The following ITGA4 variants were observed in gnomAD, a reference collection of about 807,000 sequenced individuals.
The protein encoded by ITGA4 is integrin subunit alpha 4, also known as integrin alpha-4.
Under a neutral mutation model 133.6 loss-of-function variants are expected in ITGA4, and 63 were observed. The observed-to-expected ratio is 0.47, with a 90% CI of 0.38 to 0.58. The LOEUF is 0.58. Ranked by LOEUF, ITGA4 falls within the 20% of genes least tolerant of loss-of-function variation. The pLI is 0.00. For missense variants in ITGA4, 1,076 were observed against 1,252.7 expected, an observed-to-expected ratio of 0.86 and a Z score of 2.13; for synonymous variants, 483 against 438.0, an observed-to-expected ratio of 1.10 and a Z score of -1.28.
At chr2:181,479,104 G>A (rs998674878) in intron 5 of ITGA4, 4 of 232,848 alleles carry the variant, frequency 1.7e-5, no homozygotes, top group Non-Finnish European at 3.3e-5. Flanking sequence ...AAGTAGCTAT[G>A]GTTAATTGTC....
Position 181,538,046 on chromosome 2 carries a change from A to ACCATTCCCC in ITGA4, c.*2521_*2529dup, listed in dbSNP as rs776939025. ...CTGAGGTGGAACAGTTCATCCTGAA[A>ACCATTCCCC]CCATTCCCCCATCCACGGAAAAATT... On this transcript the variant is annotated 3_prime_UTR_variant, in exon 28 of 28. Transcript: ENST00000397033. The ACCATTCCCC allele has an allele frequency of 4.4e-5, 31 of 703,400 alleles. No individual in the cohort carries two copies. In the African/African-American group the frequency reaches 4.9e-4, roughly 11 times the overall value. 43.6% of individuals were successfully genotyped at this position (703,400 alleles called of 1,614,324 possible). A position where few individuals can be genotyped will look rare whatever the true frequency, so the allele number is the denominator to read the frequency against.
chr2:181,496,085 C>A, intron 14 of ITGA4, 148 bp downstream of exon 14: 1 of 750,606 alleles, frequency 1.3e-6, no homozygotes, highest in South Asian at 1.8e-5. Flanking sequence ...TTTTCCTCTC[C>A]ATCTTCCAGA....
At chr2:181,466,295 A>AT (rs967193326) in intron 2 of ITGA4, among the ~76,000 whole-genome samples, 1 of 151,604 alleles carries the variant, frequency 6.6e-6, no homozygotes, top group Non-Finnish European at 1.5e-5. Context: ...ATAGAATAAG[A>AT]TAAAAAAAAA....
chr2:181,538,085 CTGGTCCCAAAA>C lies in ITGA4; in HGVS notation c.*2559_*2569del. 1.3e-6 allele frequency: 1 copy of C among 790,414 alleles called. No individual in the cohort carries two copies. The highest frequency in any genetic ancestry group is 3.6e-4 in the Middle Eastern group (1 of 2,790). The allele number at this position is 790,414 out of a possible 1,614,324, so 49.0% of individuals were successfully genotyped here. A position where few individuals can be genotyped will look rare whatever the true frequency, so the allele number is the denominator to read the frequency against. On this transcript the variant is annotated 3_prime_UTR_variant, in exon 28 of 28. Transcript: ENST00000397033. ...CACGGAAAAATTGTCTTCCATGAAA[CTGGTCCCAAAA>C]AGGGTGGGGACCACAGGTTTAAAGC...
chr2:181,475,791 A>AT (rs1412586026), intron 4 of ITGA4: 4 of 1,583,670 alleles, frequency 2.5e-6, no homozygotes, highest in Non-Finnish European at 3.4e-6. Context: ...AGTTTGAAAC[A>AT]TTTTTCTCAT....
intron 2 of ITGA4, among the ~76,000 whole-genome samples, chr2:181,465,428 T>C (rs1685388102): frequency 6.6e-6 from 1 of 152,112 alleles, no homozygotes; most frequent in Non-Finnish European, 1.5e-5. Context: ...TTTCTTTTTC[T>C]TTTTCAACCA....
At chr2:181,468,432 C>T (rs1191181479) in intron 2 of ITGA4, among the ~76,000 whole-genome samples, 1 of 152,128 alleles carries the variant, frequency 6.6e-6, no homozygotes, top group Non-Finnish European at 1.5e-5. Context: ...AAAATTCCCT[C>T]CCTCATACAT....
intron 17 of ITGA4, among the ~76,000 whole-genome samples, chr2:181,519,919 G>A (rs1270213576): frequency 6.6e-6 from 1 of 151,910 alleles, no homozygotes; most frequent in African/African-American, 2.4e-5. Flanking sequence ...GGACACCACC[G>A]AACCCTTCTT....
Position 181,475,197 on chromosome 2 carries a change from G to A in ITGA4, c.465G>A (p.Lys155=), listed in dbSNP as rs761009890. Residue 155 remains lysine (K), a synonymous_variant, in exon 4 of 28, where the codon AAG becomes AAA. Coordinates refer to ENST00000397033, the MANE Select transcript of ITGA4 (RefSeq NM_000885.6). ...GATGGAAAAATATATTTTACATAAA[G>A]AATGAAAATAAGCTCCCCACTGGTG... ...GHRWKNIFYI[K]NENKLPTGGC... 3.1e-6 allele frequency: 5 copies of A among 1,612,918 alleles called. No homozygotes were observed. The highest frequency in any genetic ancestry group is 4.2e-6 in the Non-Finnish European group (5 of 1,178,948).
chr2:181,535,884 A>C lies in ITGA4; in HGVS notation c.*357A>C. Reference sequence around the variant, plus strand: ...TTAGACTTGAAATACTACTTACCATATGTGCTTGCCTCAGTAAAATGAACC... The same window carrying C: ...TTAGACTTGAAATACTACTTACCATCTGTGCTTGCCTCAGTAAAATGAACC... On this transcript the variant is annotated 3_prime_UTR_variant, in exon 28 of 28. Coordinates refer to ENST00000397033, the MANE Select transcript of ITGA4 (RefSeq NM_000885.6). 6.3e-6 allele frequency: 1 copy of C among 158,122 alleles called. No individual in the cohort carries two copies. Among genetic ancestry groups the C allele is most frequent in the Admixed American group, 6.3e-5 (1 of 15,766 alleles). 9.8% of individuals were successfully genotyped at this position (158,122 alleles called of 1,614,324 possible). A position where few individuals can be genotyped will look rare whatever the true frequency, so the allele number is the denominator to read the frequency against.
chr2:181,482,388 A>T lies in ITGA4; in HGVS notation c.869A>T (p.Glu290Val). 1.2e-6 allele frequency: 2 copies of T among 1,612,920 alleles called. No individual in the cohort carries two copies. The highest frequency in any genetic ancestry group is 1.7e-6 in the Non-Finnish European group (2 of 1,179,334). ...TATATATTCAGCATTGATGAAAAAG[A>T]ACTAAATATCTTACATGAAATGAAA... ...KAYIFSIDEKELNILHEMKGK... is the reference protein window; with the variant it reads ...KAYIFSIDEKVLNILHEMKGK... The change falls in exon 8 of 28, where the codon GAA (glutamate) becomes GTA (valine). Residue 290 changes from glutamate to valine, a missense_variant. Around this residue, in one of 4 missense-constraint regions of ITGA4, gnomAD observed 436 missense variants for 590.7 expected, o/e 0.74. Transcript: ENST00000397033.
intron 17 of ITGA4, among the ~76,000 whole-genome samples, chr2:181,517,760 TAAAC>T (rs927326617): frequency 1.6e-4 from 24 of 152,154 alleles, no homozygotes; most frequent in African/African-American, 5.5e-4. Flanking sequence ...AAATGGAAAA[TAAAC>T]CAGGAGTCTA....
rs201661642 is a variant in ITGA4, at chr2:181,470,067, TA to T, written c.320-4883del. 5.0e-3 allele frequency among the ~76,000 whole-genome samples: 725 copies of T among 146,130 alleles called. 7 individuals are homozygous for T. Among genetic ancestry groups the T allele is most frequent in the African/African-American group, 0.017 (686 of 39,680 alleles). ...TACCCTGGAACTTAAAGTATAATAA[TA>T]AAAAAAAAAGATATAAATGTTGGCA... On this transcript the variant is annotated intron_variant, in intron 2 of 27. Coordinates refer to ENST00000397033, the MANE Select transcript of ITGA4 (RefSeq NM_000885.6).
chr2:181,493,221 A>T, intron 10 of ITGA4, 104 bp from the exon 11 acceptor site: 1 of 666,976 alleles, frequency 1.5e-6, no homozygotes, highest in Non-Finnish European at 2.6e-6. Flanking sequence ...TTCATAAAAG[A>T]GAGTTTTCTT....
chr2:181,474,703 C>T (rs1685634829), intron 2 of ITGA4, among the ~76,000 whole-genome samples: 1 of 152,206 alleles, frequency 6.6e-6, no homozygotes, highest in African/African-American at 2.4e-5. Flanking sequence ...ACTCCTAGTC[C>T]TGTTAGCTAT....
intron 5 of ITGA4, chr2:181,479,299 T>C (rs1195007168): frequency 6.6e-6 from 1 of 152,026 alleles, no homozygotes; most frequent in Non-Finnish European, 1.5e-5. Context: ...CTTTCTAACA[T>C]TCTAGGATAT....
chr2:181,488,862 A>G (rs1685982057), intron 10 of ITGA4, among the ~76,000 whole-genome samples: 1 of 152,050 alleles, frequency 6.6e-6, no homozygotes, highest in Admixed American at 6.5e-5. Context: ...CCAGCCCTCC[A>G]GTTCTAATTT....
Position 181,522,224 on chromosome 2 carries a change from G to C in ITGA4, c.1956G>C (p.Gly652=), listed in dbSNP as rs766961571. 1.3e-6 allele frequency: 2 copies of C among 1,582,292 alleles called. No homozygotes were observed. Among genetic ancestry groups the C allele is most frequent in the Admixed American group, 3.4e-5 (2 of 58,882 alleles). Reference sequence around the variant, plus strand: ...AAAATAAAACATATCTTGCTGTTGGGAGTATGAAGACATTGATGTTGAATG... The same window carrying C: ...AAAATAAAACATATCTTGCTGTTGGCAGTATGAAGACATTGATGTTGAATG... ...PHENKTYLAV[G]SMKTLMLNVS... Residue 652 remains glycine (G), a synonymous_variant, in exon 18 of 28, where the codon GGG becomes GGC. Coordinates refer to ENST00000397033, the MANE Select transcript of ITGA4 (RefSeq NM_000885.6).
intron 14 of ITGA4, 97 bp downstream of exon 14, chr2:181,496,034 A>G: frequency 7.9e-7 from 1 of 1,265,812 alleles, no homozygotes; most frequent in Non-Finnish European, 1.1e-6. Context: ...CACCACGGAG[A>G]TCTTCTTTAG....
Sources: allele counts gnomAD v4.1 joint callset (sites outside exome capture counted in the v4.1 genomes callset), GRCh38; gene constraint gnomAD v4.1.1; regional missense constraint gnomAD v4.1.1; transcripts MANE v1.5; gene names NCBI Gene and HGNC (gene_info 2026-07-23, HGNC 2026-07-21).